The following NPAS3 variants were observed in gnomAD, a reference collection of about 807,000 sequenced individuals.
The protein encoded by NPAS3 is neuronal PAS domain protein 3.
Under a neutral mutation model 73.1 loss-of-function variants are expected in NPAS3, and 14 were observed. That is an observed-to-expected ratio of 0.19 (90% CI 0.13 to 0.30). The LOEUF (loss-of-function observed/expected upper bound fraction) is 0.30. Among genes scored for constraint, NPAS3 ranks in the 10% least tolerant of loss-of-function variants. The pLI is 1.00. For synonymous variants in NPAS3, 620 were observed against 541.5 expected, an observed-to-expected ratio of 1.14 and a Z score of -2.01; for missense variants, 1,096 against 1,250.0, an observed-to-expected ratio of 0.88 and a Z score of 1.86.
chr14:33,684,304 ATTTC>A (rs1303739006), intron 6 of NPAS3, among the ~76,000 whole-genome samples: 1 of 148,858 alleles, frequency 6.7e-6, no homozygotes, highest in Non-Finnish European at 1.5e-5. Flanking sequence ...TGCTCTCATT[ATTTC>A]TTTTCTTTTT....
At chr14:33,143,364 G>GC (rs2044126751) in intron 2 of NPAS3, among the ~76,000 whole-genome samples, 1 of 151,020 alleles carries the variant, frequency 6.6e-6, no homozygotes, top group Non-Finnish European at 1.5e-5. Context: ...GGCAGCGCAT[G>GC]CCTGTAATCC....
chr14:33,212,400 C>T (rs1418787312), intron 2 of NPAS3, among the ~76,000 whole-genome samples: 2 of 151,890 alleles, frequency 1.3e-5, no homozygotes, highest in Non-Finnish European at 2.9e-5. Flanking sequence ...AATAGGGGGA[C>T]ACCATGTGTG....
At chr14:33,176,139 T>C (rs1196482554) in intron 2 of NPAS3, among the ~76,000 whole-genome samples, 1 of 152,186 alleles carries the variant, frequency 6.6e-6, no homozygotes, top group African/African-American at 2.4e-5. Flanking sequence ...AGTCAAATAC[T>C]GCCTGCTTAG....
chr14:33,359,501 C>T (rs1216727473), intron 3 of NPAS3, among the ~76,000 whole-genome samples: 1 of 152,178 alleles, frequency 6.6e-6, no homozygotes, highest in Non-Finnish European at 1.5e-5. Context: ...TGGGTGGAAT[C>T]ATGCCATAAC....
At chr14:33,581,898 C>T (rs781697762) in intron 5 of NPAS3, among the ~76,000 whole-genome samples, 10 of 152,160 alleles carry the variant, frequency 6.6e-5, no homozygotes, top group South Asian at 4.1e-4. Flanking sequence ...TTAATACATA[C>T]ACTTACAAAG....
intron 3 of NPAS3, among the ~76,000 whole-genome samples, chr14:33,286,910 T>TA (rs1279996373): frequency 6.6e-6 from 1 of 152,140 alleles, no homozygotes; most frequent in African/African-American, 2.4e-5. Context: ...GTGATTTCCT[T>TA]AAAAATCATT....
At chr14:33,290,158 A>C (rs1421241053) in intron 3 of NPAS3, among the ~76,000 whole-genome samples, 2 of 152,236 alleles carry the variant, frequency 1.3e-5, no homozygotes, top group Non-Finnish European at 2.9e-5. Flanking sequence ...GCCTGGGTTC[A>C]TGTTACCTGC....
chr14:33,798,327 C>G (rs191596089), intron 11 of NPAS3, among the ~76,000 whole-genome samples: 2 of 152,188 alleles, frequency 1.3e-5, no homozygotes, highest in Non-Finnish European at 2.9e-5. Flanking sequence ...ATCCCCAGCC[C>G]TCTTCCAGAG....
chr14:33,385,826 G>A (rs1422234928), intron 4 of NPAS3, among the ~76,000 whole-genome samples: 3 of 152,182 alleles, frequency 2.0e-5, no homozygotes, highest in Non-Finnish European at 2.9e-5. Context: ...AGCTACCATG[G>A]CATGAAGAGA....
At chr14:33,743,002 T>A (rs1443917602) in intron 7 of NPAS3, among the ~76,000 whole-genome samples, 3 of 150,044 alleles carry the variant, frequency 2.0e-5, no homozygotes, top group Non-Finnish European at 4.4e-5. Flanking sequence ...TGCCATTTCC[T>A]TCATATATGC....
intron 4 of NPAS3, among the ~76,000 whole-genome samples, chr14:33,527,900 A>G (rs571935643): frequency 5.3e-5 from 8 of 152,224 alleles, no homozygotes; most frequent in African/African-American, 1.9e-4. Context: ...GGCTGTTTCA[A>G]CAGAAGGAAC....
At chr14:33,635,637 C>T (rs1484597422) in intron 5 of NPAS3, among the ~76,000 whole-genome samples, 1 of 152,138 alleles carries the variant, frequency 6.6e-6, no homozygotes, top group Non-Finnish European at 1.5e-5. Context: ...TAACTGTTCA[C>T]CAGCACCGCC....
chr14:33,582,747 A>C (rs1055262024), intron 5 of NPAS3, among the ~76,000 whole-genome samples: 1 of 152,344 alleles, frequency 6.6e-6, no homozygotes, highest in Non-Finnish European at 1.5e-5. Flanking sequence ...AGAAAAACAA[A>C]GCAGGCATTA....
chr14:33,165,302 T>A (rs2045085881), intron 2 of NPAS3, among the ~76,000 whole-genome samples: 1 of 151,564 alleles, frequency 6.6e-6, no homozygotes, highest in Non-Finnish European at 1.5e-5. Flanking sequence ...TGGACTATGG[T>A]GTGTGAGTTT....
At chr14:33,543,366 C>T (rs145074500) in intron 4 of NPAS3, among the ~76,000 whole-genome samples, 1 of 152,286 alleles carries the variant, frequency 6.6e-6, no homozygotes, top group African/African-American at 2.4e-5. Context: ...CTATTGCTAT[C>T]TTTACTGTTT....
At chr14:33,254,275 A>T (rs1350063746) in intron 3 of NPAS3, among the ~76,000 whole-genome samples, 1 of 151,874 alleles carries the variant, frequency 6.6e-6, no homozygotes, top group African/African-American at 2.4e-5. Flanking sequence ...GTCTGTCCTA[A>T]ACTTATATCT....
intron 4 of NPAS3, among the ~76,000 whole-genome samples, chr14:33,381,348 G>C (rs1338448786): frequency 2.0e-5 from 3 of 152,134 alleles, no homozygotes; most frequent in African/African-American, 7.2e-5. Context: ...TATTATCTCT[G>C]CTCAATGATT....
chr14:33,169,791 CT>C (rs1301928967), intron 2 of NPAS3, among the ~76,000 whole-genome samples: 1 of 152,118 alleles, frequency 6.6e-6, no homozygotes, highest in Admixed American at 6.6e-5. Context: ...TAGTCATAAG[CT>C]TTTGTATGAA....
In NPAS3 at chr14:33,267,973, A is replaced by G. The variant is rs148417418; in HGVS notation, c.385+52547A>G. ...TTGTCCATACAACAAGTTTCATTTT[A>G]TCTCCTACTGTATGCCTAAGGATGA... is the stretch of plus-strand genomic sequence containing the variant. On this transcript the variant is annotated intron_variant, in intron 3 of 11. Coordinates refer to ENST00000356141, the Ensembl canonical transcript of NPAS3. 6.7e-3 allele frequency among the ~76,000 whole-genome samples: 1,023 copies of G among 152,300 alleles called. 13 individuals carry two copies. Among genetic ancestry groups the G allele is most frequent in the African/African-American group, 0.023 (963 of 41,562 alleles).
Sources: gnomAD v4.1 joint callset for allele counts (sites outside exome capture counted in the v4.1 genomes callset) on GRCh38, gnomAD v4.1.1 for gene constraint, MANE v1.5 for transcripts, NCBI Gene and HGNC (gene_info 2026-07-23, HGNC 2026-07-21) for gene names.